NLGN1: variants seen among roughly 807,000 people sequenced by gnomAD.
NLGN1 encodes neuroligin-1.
A neutral mutation model predicts 65.5 loss-of-function variants in NLGN1; 12 were observed. The observed-to-expected ratio is 0.18, with a 90% confidence interval of 0.12 to 0.30. NLGN1 has a LOEUF of 0.30. Ranked by LOEUF, NLGN1 falls within the 10% of genes least tolerant of loss-of-function variation. NLGN1 has a pLI of 1.00. For missense variants in NLGN1, 750 were observed against 1,007.1 expected, an observed-to-expected ratio of 0.74 and a Z score of 3.46; for synonymous variants, 350 against 359.5, an observed-to-expected ratio of 0.97 and a Z score of 0.30.
chr3:173,903,578 C>T (rs991894770), intron 4 of NLGN1, among the ~76,000 whole-genome samples: 1 of 152,064 alleles, frequency 6.6e-6, no homozygotes, highest in Non-Finnish European at 1.5e-5. Context: ...ATGGAAGCTG[C>T]AGATTGGGAA....
chr3:174,232,407 T>A (rs903267433), intron 4 of NLGN1, among the ~76,000 whole-genome samples: 10 of 152,232 alleles, frequency 6.6e-5, no homozygotes, highest in African/African-American at 2.4e-4. Flanking sequence ...ACAGGGGATA[T>A]GATGGCTTAG....
At chr3:173,741,206 A>G (rs898807904) in intron 3 of NLGN1, among the ~76,000 whole-genome samples, 6 of 152,154 alleles carry the variant, frequency 3.9e-5, no homozygotes, top group African/African-American at 7.2e-5. Flanking sequence ...CTTGGATTCC[A>G]TTAAGTGGTA....
intron 3 of NLGN1, among the ~76,000 whole-genome samples, chr3:173,721,867 GA>G (rs1455794813): frequency 6.6e-6 from 1 of 151,034 alleles, no homozygotes; most frequent in Admixed American, 6.6e-5. Flanking sequence ...ATTTGGCCAG[GA>G]AAAAGAACCA....
intron 2 of NLGN1, among the ~76,000 whole-genome samples, chr3:173,458,557 C>T (rs557194938): frequency 1.4e-4 from 22 of 152,146 alleles, no homozygotes; most frequent in African/African-American, 4.6e-4. Flanking sequence ...GACTCCTCCC[C>T]AAACTCCAGA....
intron 4 of NLGN1, among the ~76,000 whole-genome samples, chr3:173,919,086 T>C (rs1741402771): frequency 6.6e-6 from 1 of 152,186 alleles, no homozygotes; most frequent in African/African-American, 2.4e-5. Flanking sequence ...TTACAAGGAC[T>C]CCTGTGATTA....
At chr3:174,052,995 TA>T (rs1735250711) in intron 4 of NLGN1, among the ~76,000 whole-genome samples, 1 of 152,028 alleles carries the variant, frequency 6.6e-6, no homozygotes, top group Non-Finnish European at 1.5e-5. Context: ...TGAAGGCCAT[TA>T]TGGAATGATG....
intron 3 of NLGN1, among the ~76,000 whole-genome samples, chr3:173,804,002 T>C (rs1716062167): frequency 6.6e-6 from 1 of 152,190 alleles, no homozygotes. Flanking sequence ...AGATCATTAA[T>C]GGAAGTTGTA....
intron 4 of NLGN1, among the ~76,000 whole-genome samples, chr3:174,075,238 A>G (rs1452576443): frequency 6.6e-6 from 1 of 152,164 alleles, no homozygotes; most frequent in Non-Finnish European, 1.5e-5. Flanking sequence ...TATATTTCTA[A>G]AGAAATATGT....
downstream of NLGN1, among the ~76,000 whole-genome samples, chr3:174,287,680 C>T (rs774463534): frequency 6.6e-6 from 1 of 151,444 alleles, no homozygotes; most frequent in Admixed American, 6.6e-5. Context: ...CTAGTTAAAA[C>T]TTTTCTATCT....
At chr3:174,132,610 A>C (rs1156422800) in intron 4 of NLGN1, among the ~76,000 whole-genome samples, 21 of 152,184 alleles carry the variant, frequency 1.4e-4, no homozygotes, top group Admixed American at 1.4e-3. Context: ...CACTTCCCAG[A>C]GTTCAAGGTA....
chr3:173,771,206 C>T (rs972890086), intron 3 of NLGN1, among the ~76,000 whole-genome samples: 3 of 152,114 alleles, frequency 2.0e-5, no homozygotes, highest in African/African-American at 2.4e-5. Context: ...GCTGCATGTC[C>T]GTCTTCCCAT....
chr3:174,096,515 C>G (rs1207007802), intron 4 of NLGN1, among the ~76,000 whole-genome samples: 2 of 151,886 alleles, frequency 1.3e-5, no homozygotes, highest in Non-Finnish European at 2.9e-5. Context: ...CATCAGAATA[C>G]AAAAGTAGAT....
intron 3 of NLGN1, among the ~76,000 whole-genome samples, chr3:173,741,326 A>G (rs897914184): frequency 9.9e-5 from 15 of 152,034 alleles, no homozygotes; most frequent in Non-Finnish European, 7.4e-5. Context: ...AGAAAAATTG[A>G]TATTATAGAC....
intron 3 of NLGN1, among the ~76,000 whole-genome samples, chr3:173,762,260 A>G (rs1387707485): frequency 2.6e-5 from 4 of 152,078 alleles, no homozygotes; most frequent in African/African-American, 9.7e-5. Context: ...AAACACACTG[A>G]GTGTGACTTG....
chr3:173,639,876 C>T (rs1304342382), intron 3 of NLGN1, among the ~76,000 whole-genome samples: 3 of 152,070 alleles, frequency 2.0e-5, no homozygotes, highest in Non-Finnish European at 4.4e-5. Context: ...TTTCTTTCTT[C>T]TCTTTTTTCC....
chr3:173,484,721 A>G (rs1221559083), intron 2 of NLGN1, among the ~76,000 whole-genome samples: 2 of 152,226 alleles, frequency 1.3e-5, no homozygotes, highest in Admixed American at 1.3e-4. Flanking sequence ...TGCTGATCGT[A>G]TTATAAATTC....
intron 4 of NLGN1, among the ~76,000 whole-genome samples, chr3:174,256,393 G>A (rs1194049834): frequency 6.6e-6 from 1 of 152,050 alleles, no homozygotes; most frequent in Non-Finnish European, 1.5e-5. Context: ...TCCTTGCCCT[G>A]CTCATTATCT....
At chr3:173,553,781 T>G (rs942309980) in intron 2 of NLGN1, among the ~76,000 whole-genome samples, 6 of 131,294 alleles carry the variant, frequency 4.6e-5, no homozygotes, top group African/African-American at 1.8e-4. Flanking sequence ...AGAGGCAAAT[T>G]ATATGTTTAG....
At chr3:173,768,411 T>C (rs2150247505) in intron 3 of NLGN1, among the ~76,000 whole-genome samples, 1 of 152,222 alleles carries the variant, frequency 6.6e-6, no homozygotes, top group East Asian at 1.9e-4. Flanking sequence ...TATTAATAAA[T>C]CAATAGCCCT....
Sources: allele counts gnomAD v4.1 joint callset (sites outside exome capture counted in the v4.1 genomes callset), GRCh38; gene constraint gnomAD v4.1.1; transcripts MANE v1.5; gene names NCBI Gene and HGNC (gene_info 2026-07-23, HGNC 2026-07-21).